The following ODR4 variants were observed in gnomAD, a reference collection of about 807,000 sequenced individuals.
ODR4 encodes the protein protein odr-4 homolog.
A neutral mutation model predicts 60.2 loss-of-function variants in ODR4; 47 were observed. The observed-to-expected ratio is 0.78, with a 90% CI of 0.62 to 1.00. The LOEUF is 1.00. ODR4 is among the 50% of genes least tolerant of loss of function. The pLI, the probability that ODR4 is intolerant of heterozygous loss-of-function variation, is 0.00. For missense variants in ODR4, 488 were observed against 530.8 expected, an observed-to-expected ratio of 0.92 and a Z score of 0.79; for synonymous variants, 178 against 175.5, an observed-to-expected ratio of 1.01 and a Z score of -0.11.
chr1:186,423,222 G>A (rs924199362), downstream of ODR4, among the ~76,000 whole-genome samples: 2 of 152,128 alleles, frequency 1.3e-5, no homozygotes, highest in African/African-American at 4.8e-5. Flanking sequence ...TAGCTAATGA[G>A]GGAATACTTG....
chr1:186,396,691 T>TAGTC (rs920728395), intron 9 of ODR4, among the ~76,000 whole-genome samples: 1 of 151,328 alleles, frequency 6.6e-6, no homozygotes, highest in Non-Finnish European at 1.5e-5. Flanking sequence ...TTTAATAGTC[T>TAGTC]AGTCTGTTTT....
chr1:186,394,120 T>C, intron 9 of ODR4, 105 bp downstream of exon 9: 1 of 673,928 alleles, frequency 1.5e-6, no homozygotes, highest in South Asian at 2.1e-5. Context: ...TTTAGAGCTG[T>C]AAGAGACTGT....
downstream of ODR4, among the ~76,000 whole-genome samples, chr1:186,423,675 A>G (rs1661836766): frequency 6.6e-6 from 1 of 151,672 alleles, no homozygotes; most frequent in South Asian, 2.1e-4. Context: ...GGCTGGTCTT[A>G]AACTCCTGAC....
Position 186,384,572 on chromosome 1 carries a change from G to GACACACACACACACACACAC in ODR4, c.235-1402_235-1383dup, listed in dbSNP as rs368870659. On this transcript the variant is annotated intron_variant, in intron 3 of 13. Transcript: ENST00000287859. ...TTTGGTCTCTCATAAAATTGTATAT[G>GACACACACACACACACACAC]ACACACACACACACACACACACACA... Among the ~76,000 whole-genome samples the GACACACACACACACACACAC allele has an allele frequency of 2.2e-3, 283 of 129,628 alleles. 2 individuals are homozygous for GACACACACACACACACACAC. The highest frequency in any genetic ancestry group is 7.0e-3 in the African/African-American group (260 of 37,324). 85.0% of individuals were successfully genotyped at this position (129,628 alleles called of 152,430 possible). A position where few individuals can be genotyped will look rare whatever the true frequency, so the allele number is the denominator to read the frequency against.
Position 186,390,697 on chromosome 1 carries a change from T to G in ODR4, c.475-14T>G, listed in dbSNP as rs1194495662. 1.2e-6 allele frequency: 2 copies of G among 1,612,514 alleles called. No homozygotes were observed. The highest frequency in any genetic ancestry group is 2.7e-5 in the African/African-American group (2 of 74,910). On this transcript the variant is annotated splice_polypyrimidine_tract_variant and intron_variant, in intron 6 of 13. Transcript: ENST00000287859. ...ACTACATCATAGTTATTTTTCTCCCTTCTCCACTGCTAGAGTTCAGCAAGA... is the reference window on the plus strand; with the variant it reads ...ACTACATCATAGTTATTTTTCTCCCGTCTCCACTGCTAGAGTTCAGCAAGA...
intron 8 of ODR4, among the ~76,000 whole-genome samples, chr1:186,393,591 A>T (rs894106682): frequency 3.3e-5 from 5 of 152,192 alleles, no homozygotes; most frequent in African/African-American, 1.2e-4. Context: ...CACAGGCTGT[A>T]TTTTTATCTC....
At chr1:186,399,990 C>CTTTTTT (rs948511178) in intron 11 of ODR4, among the ~76,000 whole-genome samples, 7 of 112,074 alleles carry the variant, frequency 6.2e-5, no homozygotes, top group East Asian at 2.6e-4. Context: ...TTTTTTTTTT[C>CTTTTTT]TTTTTTTTTT....
chr1:186,434,944 G>C, the ODR4 span, among the ~76,000 whole-genome samples: 2 of 152,276 alleles, frequency 1.3e-5, no homozygotes, highest in East Asian at 3.9e-4. Flanking sequence ...ATTCAAGCTA[G>C]TCTGTGTTCA....
At chr1:186,415,841 T>G (rs1661546403) in intron 12 of ODR4, among the ~76,000 whole-genome samples, 1 of 152,252 alleles carries the variant, frequency 6.6e-6, no homozygotes, top group Admixed American at 6.5e-5. Context: ...AGAGAACTTG[T>G]GTCCAAATCA....
At chr1:186,387,546 T>A (rs1346587268) in intron 4 of ODR4, among the ~76,000 whole-genome samples, 1 of 152,210 alleles carries the variant, frequency 6.6e-6, no homozygotes, top group Non-Finnish European at 1.5e-5. Context: ...GAGTTTCAAT[T>A]ATCTAATTGT....
At chr1:186,408,101 C>T (rs1024983520) in intron 12 of ODR4, among the ~76,000 whole-genome samples, 5 of 152,034 alleles carry the variant, frequency 3.3e-5, no homozygotes, top group African/African-American at 1.2e-4. Flanking sequence ...ATTATCATTC[C>T]TTGTAACAAC....
downstream of ODR4, among the ~76,000 whole-genome samples, chr1:186,424,627 G>C (rs910669970): frequency 1.3e-5 from 2 of 151,914 alleles, no homozygotes; most frequent in Non-Finnish European, 2.9e-5. Flanking sequence ...TGCGCCACAT[G>C]ATGGTGACTT....
intron 12 of ODR4, among the ~76,000 whole-genome samples, chr1:186,407,765 T>C (rs1661224310): frequency 6.6e-6 from 1 of 152,116 alleles, no homozygotes; most frequent in Non-Finnish European, 1.5e-5. Context: ...AGCTGTTCAT[T>C]TTATTACAGT....
chr1:186,400,302 T>C (rs1050154484), intron 11 of ODR4, among the ~76,000 whole-genome samples: 8 of 151,820 alleles, frequency 5.3e-5, no homozygotes, highest in African/African-American at 1.7e-4. Flanking sequence ...CCCATTCTTA[T>C]TATTCTGATG....
intron 9 of ODR4, among the ~76,000 whole-genome samples, chr1:186,397,686 C>T (rs1660756956): frequency 6.6e-6 from 1 of 152,098 alleles, no homozygotes; most frequent in African/African-American, 2.4e-5. Flanking sequence ...GATGCTCAAC[C>T]TGTAGTACTT....
chr1:186,387,769 C>A (rs1005270495), intron 4 of ODR4, among the ~76,000 whole-genome samples: 1 of 152,180 alleles, frequency 6.6e-6, no homozygotes, highest in African/African-American at 2.4e-5. Flanking sequence ...AGATTTCTCT[C>A]TGCACATTAT....
At position 186,419,360 on chromosome 1, in the gene ODR4, G is replaced by A. The variant is rs1045493245; in HGVS notation, c.*284G>A. 5.1e-6 allele frequency: 2 copies of A among 394,708 alleles called. No homozygotes were observed. The allele number at this position is 394,708 out of a possible 1,614,324, so 24.5% of individuals were successfully genotyped here. A position where few individuals can be genotyped will look rare whatever the true frequency, so the allele number is the denominator to read the frequency against. ...ATTTTTAAAAGCTTCAAAATGATGGGATATGATCATAGATTTTAGTCTTAC... is the reference window on the plus strand; with the variant it reads ...ATTTTTAAAAGCTTCAAAATGATGGAATATGATCATAGATTTTAGTCTTAC... On this transcript the variant is annotated 3_prime_UTR_variant, in exon 14 of 14. Transcript: ENST00000287859.
In ODR4 at chr1:186,420,359, G is replaced by C. The variant is rs1403990546; in HGVS notation, c.*1283G>C. 1 of 152,168 alleles carries C rather than the reference G, an allele frequency of 6.6e-6. No individual in the cohort carries two copies. The highest frequency in any genetic ancestry group is 1.9e-4 in the East Asian group (1 of 5,192). The allele number at this position is 152,168 out of a possible 1,614,324, so 9.4% of individuals were successfully genotyped here. Reference sequence around the variant, plus strand: ...TCAGTTTGCAGTGCTCTAGCTCCTGGCAGAAGCAAGAGGGAAACATTCCTA... The same window carrying C: ...TCAGTTTGCAGTGCTCTAGCTCCTGCCAGAAGCAAGAGGGAAACATTCCTA... On this transcript the variant is annotated 3_prime_UTR_variant, in exon 14 of 14. Coordinates refer to ENST00000287859, the MANE Select transcript of ODR4 (RefSeq NM_017847.6).
At chr1:186,404,019 T>C (rs910521375) in intron 11 of ODR4, among the ~76,000 whole-genome samples, 2 of 152,066 alleles carry the variant, frequency 1.3e-5, no homozygotes, top group Non-Finnish European at 2.9e-5. Context: ...TATCACCTAT[T>C]CTAAAAAAAA....
Sources: gnomAD v4.1 joint callset for allele counts (sites outside exome capture counted in the v4.1 genomes callset) on GRCh38, gnomAD v4.1.1 for gene constraint, MANE v1.5 for transcripts, NCBI Gene and HGNC (gene_info 2026-07-23, HGNC 2026-07-21) for gene names.